PJA2: variants seen among roughly 807,000 people sequenced by gnomAD.
The protein encoded by PJA2 is praja ring finger ubiquitin ligase 2, also known as E3 ubiquitin-protein ligase Praja-2.
In PJA2, 25 loss-of-function variants were observed where a neutral mutation model predicts 69.3. The ratio of observed to expected loss-of-function variants is 0.36; its 90% CI spans 0.26 to 0.50. PJA2 has a LOEUF of 0.50. PJA2 is among the 20% of genes least tolerant of loss of function. The pLI is 0.96. For missense variants in PJA2, 809 were observed against 830.2 expected (o/e 0.97, Z 0.31); for synonymous variants, 308 against 277.8 (o/e 1.11, Z -1.08).
chr5:109,353,500 A>G (rs1762316110), intron 7 of PJA2, among the ~76,000 whole-genome samples: 1 of 86,228 alleles, frequency 1.2e-5, no homozygotes, highest in East Asian at 2.2e-4. Flanking sequence ...GATATCTATA[A>G]TATCTATAGA....
chr5:109,380,830 C>T (rs976723213), intron 3 of PJA2, among the ~76,000 whole-genome samples: 2 of 147,004 alleles, frequency 1.4e-5, no homozygotes, highest in African/African-American at 4.9e-5. Context: ...AAAAGAACGC[C>T]AGGCATGGTG....
rs141576300 is a variant in PJA2, at chr5:109,369,505, G to A, written c.1284-759C>T. On this transcript the variant is annotated intron_variant, in intron 4 of 9. Transcript: ENST00000361189. ...ATCTTAAATGCTACCTGGAATAAATGTAAGTAGACTTACTGCATATCTAAC... is the reference window on the plus strand; with the variant it reads ...ATCTTAAATGCTACCTGGAATAAATATAAGTAGACTTACTGCATATCTAAC... 1.2e-4 allele frequency among the ~76,000 whole-genome samples: 18 copies of A among 152,258 alleles called. No homozygotes were observed. The East Asian group carries it at 2.7e-3, about 23-fold the overall frequency.
intron 5 of PJA2, 47 bp from the exon 6 acceptor site, chr5:109,363,069 T>C: frequency 1.4e-6 from 2 of 1,476,792 alleles, no homozygotes; most frequent in Non-Finnish European, 1.8e-6. Flanking sequence ...TTTTAAAACA[T>C]ACCATAACAC....
intron 4 of PJA2, among the ~76,000 whole-genome samples, chr5:109,376,271 A>C (rs1201597343): frequency 1.3e-5 from 2 of 151,742 alleles, no homozygotes; most frequent in East Asian, 3.9e-4. Context: ...AAAAAAAAAA[A>C]AAACTATCAT....
In PJA2 at chr5:109,336,591, T is replaced by G; in HGVS notation, c.*640A>C. On this transcript the variant is annotated 3_prime_UTR_variant, in exon 10 of 10. Transcript: ENST00000361189. Reference sequence around the variant, plus strand: ...ACGTTAAGCACATCCACTGGTTTCATTAAGGATTTTACTACCTAACTTTAT... The same window carrying G: ...ACGTTAAGCACATCCACTGGTTTCAGTAAGGATTTTACTACCTAACTTTAT... 6.6e-6 allele frequency: 1 copy of G among 152,296 alleles called. No individual in the cohort carries two copies. The highest frequency in any genetic ancestry group is 2.4e-5 in the African/African-American group (1 of 41,544). The allele number at this position is 152,296 out of a possible 1,614,324, so 9.4% of individuals were successfully genotyped here.
chr5:109,346,484 G>C (rs929277007), intron 7 of PJA2, among the ~76,000 whole-genome samples: 1 of 152,210 alleles, frequency 6.6e-6, no homozygotes, highest in Admixed American at 6.5e-5. Flanking sequence ...TTATTCACAA[G>C]AGCCAAAAGG....
chr5:109,377,441 C>G (rs945541897), intron 4 of PJA2, among the ~76,000 whole-genome samples: 1 of 151,974 alleles, frequency 6.6e-6, no homozygotes, highest in East Asian at 1.9e-4. Context: ...CCATTTTTTT[C>G]TTTTTCTGTT....
In PJA2 at chr5:109,362,982, G is replaced by A; in HGVS notation, c.1510C>T (p.Gln504Ter). 2 of 1,606,968 alleles carry A rather than the reference G, an allele frequency of 1.2e-6. No homozygotes were observed. Among genetic ancestry groups the A allele is most frequent in the Non-Finnish European group, 1.7e-6 (2 of 1,174,700 alleles). The change falls in exon 6 of 10, where the codon CAG becomes TAG. Residue 504 changes from glutamine to a stop codon, truncating the protein, a stop_gained. Transcript: ENST00000361189. LOFTEE classifies it high-confidence loss of function. ...SLEEGEIPWLQYNEVNESSSD... is the reference protein window; with the variant it reads ...SLEEGEIPWL ...CTGCTTTCATTGACTTCATTGTACT[G>A]TAACCAAGGAATTTCTCCCTCTTCC...
rs763240168 is a variant in PJA2, at chr5:109,383,462, G to C, written c.-29C>G. On this transcript the variant is annotated 5_prime_UTR_variant, in exon 2 of 10. Coordinates refer to ENST00000361189, the MANE Select transcript of PJA2 (RefSeq NM_014819.5). ...TGGCAGCGTCTGTGTGACCAGTTCAGTAGAATTATAGATGTGATTTAGTTT... is the reference window on the plus strand; with the variant it reads ...TGGCAGCGTCTGTGTGACCAGTTCACTAGAATTATAGATGTGATTTAGTTT... 2.5e-6 allele frequency: 4 copies of C among 1,585,006 alleles called. No homozygotes were observed. In the South Asian group the frequency reaches 3.4e-5, roughly 13 times the overall value.
chr5:109,355,317 C>T (rs2126995027), intron 7 of PJA2, among the ~76,000 whole-genome samples: 1 of 152,260 alleles, frequency 6.6e-6, no homozygotes, highest in Admixed American at 6.5e-5. Flanking sequence ...TTAATGAAAT[C>T]CACTGGTACA....
At chr5:109,354,780 C>T (rs1582594251) in intron 7 of PJA2, among the ~76,000 whole-genome samples, 2 of 139,570 alleles carry the variant, frequency 1.4e-5, no homozygotes, top group Non-Finnish European at 3.3e-5. Flanking sequence ...TTAAATATAT[C>T]AATATTAGAT....
chr5:109,379,396 C>A, intron 3 of PJA2, 142 bp from the exon 4 acceptor site: 1 of 647,134 alleles, frequency 1.5e-6, no homozygotes, highest in Non-Finnish European at 2.6e-6. Context: ...CACTTCTATG[C>A]TCCTTAACTG....
At chr5:109,394,039 CTTTTTTTTTTTTT>C (rs75679188) in intron 1 of PJA2, among the ~76,000 whole-genome samples, 11 of 81,858 alleles carry the variant, frequency 1.3e-4, no homozygotes, top group Non-Finnish European at 2.2e-4. Context: ...TTCTAATTCT[CTTTTTTTTTTTTT>C]TTTTTTTTTT....
chr5:109,368,889 C>G, intron 4 of PJA2, 143 bp from the exon 5 acceptor site: 1 of 782,838 alleles, frequency 1.3e-6, no homozygotes, highest in South Asian at 1.9e-5. Context: ...GAGATGGGGC[C>G]TGGTGGGAGG....
At chr5:109,402,893 T>C (rs1407554018) in intron 1 of PJA2, among the ~76,000 whole-genome samples, 2 of 151,862 alleles carry the variant, frequency 1.3e-5, no homozygotes, top group African/African-American at 2.4e-5. Flanking sequence ...AAAAAATCAG[T>C]GCATCAAATT....
chr5:109,395,184 C>G lies in PJA2; in HGVS notation c.-87-11664G>C, dbSNP rs1214955225. On this transcript the variant is annotated intron_variant, in intron 1 of 9. Coordinates refer to ENST00000361189, the MANE Select transcript of PJA2 (RefSeq NM_014819.5). The stretch of plus-strand genomic sequence containing the variant: ...TATGAACTCACAATAAAAAGTGTAA[C>G]ATACATGAGAAATAACGTTGACAAG... Among the ~76,000 whole-genome samples the G allele has an allele frequency of 2.6e-5, 4 of 152,034 alleles. No homozygotes were observed. The East Asian group carries it at 7.7e-4, about 29-fold the overall frequency.
chr5:109,359,306 A>G (rs1762473874), intron 6 of PJA2, among the ~76,000 whole-genome samples: 1 of 152,230 alleles, frequency 6.6e-6, no homozygotes, highest in Non-Finnish European at 1.5e-5. Context: ...ACAGTGGGCT[A>G]TCAGTAGTTA....
At chr5:109,397,004 T>C (rs895890103) in intron 1 of PJA2, among the ~76,000 whole-genome samples, 15 of 152,104 alleles carry the variant, frequency 9.9e-5, no homozygotes, top group African/African-American at 3.4e-4. Flanking sequence ...TATTAAAAGG[T>C]GGGGTCTTTT....
intron 1 of PJA2, among the ~76,000 whole-genome samples, chr5:109,397,665 C>G (rs1582629123): frequency 6.6e-6 from 1 of 151,978 alleles, no homozygotes; most frequent in Non-Finnish European, 1.5e-5. Context: ...ATTACAGGCA[C>G]CCGCCACTAC....
Sources: gnomAD v4.1 joint callset for allele counts (sites outside exome capture counted in the v4.1 genomes callset) on GRCh38, gnomAD v4.1.1 for gene constraint, MANE v1.5 for transcripts, NCBI Gene and HGNC (gene_info 2026-07-23, HGNC 2026-07-21) for gene names.